RAPH1: variants seen among roughly 807,000 people sequenced by gnomAD.
RAPH1 encodes ras-associated and pleckstrin homology domains-containing protein 1.
Under a neutral mutation model 88.1 loss-of-function variants are expected in RAPH1, and 18 were observed. The observed-to-expected ratio is 0.20, with a 90% CI of 0.14 to 0.30. The LOEUF (loss-of-function observed/expected upper bound fraction) is 0.30, where lower values mean the gene tolerates loss of function less well. Ranked by LOEUF, RAPH1 falls within the 10% of genes least tolerant of loss-of-function variation. The pLI is 1.00. For missense variants in RAPH1, 1,448 were observed against 1,543.2 expected, an observed-to-expected ratio of 0.94 and a Z score of 1.03; for synonymous variants, 587 against 559.0, an observed-to-expected ratio of 1.05 and a Z score of -0.71.
At position 203,438,167 on chromosome 2, in the gene RAPH1, G is replaced by A. The variant is rs746943803; in HGVS notation, c.*1270C>T. The A allele has an allele frequency of 1.5e-5, 8 of 518,736 alleles. No individual in the cohort carries two copies. The highest frequency in any genetic ancestry group is 1.4e-5 in the South Asian group (1 of 71,490). The allele number at this position is 518,736 out of a possible 1,614,324, so 32.1% of individuals were successfully genotyped here. A position where few individuals can be genotyped will look rare whatever the true frequency, so the allele number is the denominator to read the frequency against. On this transcript the variant is annotated 3_prime_UTR_variant, in exon 14 of 14. Coordinates refer to ENST00000319170, the MANE Select transcript of RAPH1 (RefSeq NM_213589.3). ...AACCTGAACTAATCACAACCAGGCT[G>A]CAGTCAGCAAGGGTCCTGGTAGCCC...
At chr2:203,533,999 C>T (rs1690501770) in intron 1 of RAPH1, among the ~76,000 whole-genome samples, 1 of 152,182 alleles carries the variant, frequency 6.6e-6, no homozygotes, top group Non-Finnish European at 1.5e-5. Context: ...CTTTCCACCA[C>T]CCCATGCTTG....
chr2:203,470,579 T>C (rs1158541252), intron 4 of RAPH1, among the ~76,000 whole-genome samples: 2 of 152,152 alleles, frequency 1.3e-5, no homozygotes, highest in African/African-American at 4.8e-5. Context: ...GGAAAATGGG[T>C]AGTACATGCA....
chr2:203,508,409 A>C (rs1354117038), intron 1 of RAPH1, among the ~76,000 whole-genome samples: 1 of 152,054 alleles, frequency 6.6e-6, no homozygotes, highest in African/African-American at 2.4e-5. Context: ...TTGGAATTAC[A>C]GGCGTGAGCC....
intron 5 of RAPH1, 123 bp downstream of exon 5, chr2:203,461,719 ATATTAC>A (rs2098524368): frequency 4.7e-6 from 3 of 635,966 alleles, no homozygotes; most frequent in Non-Finnish European, 7.6e-6. Context: ...TGTGAAAAAT[ATATTAC>A]TAGGAAGAAA....
chr2:203,457,141 C>T (rs2098520250), intron 8 of RAPH1, among the ~76,000 whole-genome samples: 1 of 151,888 alleles, frequency 6.6e-6, no homozygotes, highest in East Asian at 1.9e-4. Context: ...AGAACACTGA[C>T]ATACTTGACT....
In RAPH1 at chr2:203,434,040, A is replaced by ATATATATCTATCTATCTATCTATC. The variant is rs71408937; in HGVS notation, c.*5396_*5397insGATAGATAGATAGATAGATATATA. On this transcript the variant is annotated 3_prime_UTR_variant, in exon 14 of 14. Transcript: ENST00000319170. The stretch of plus-strand genomic sequence containing the variant: ...GTAGTACTGAATATATCTCTCTCAT[A>ATATATATCTATCTATCTATCTATC]TATCTATCTATCTATCTATATATAT... 2.4e-4 allele frequency: 35 copies of ATATATATCTATCTATCTATCTATC among 145,436 alleles called. No individual in the cohort carries two copies. The East Asian group carries it at 4.7e-3, about 20-fold the overall frequency. 9.0% of individuals were successfully genotyped at this position (145,436 alleles called of 1,614,324 possible).
chr2:203,478,485 GTTT>G (rs145000897), intron 4 of RAPH1, among the ~76,000 whole-genome samples: 3 of 149,582 alleles, frequency 2.0e-5, no homozygotes, highest in Non-Finnish European at 1.5e-5. Flanking sequence ...ATCATTTTTT[GTTT>G]TTTTTTGTTT....
intron 4 of RAPH1, among the ~76,000 whole-genome samples, chr2:203,465,820 G>C (rs935357333): frequency 1.3e-5 from 2 of 152,130 alleles, no homozygotes; most frequent in Non-Finnish European, 2.9e-5. Context: ...GGAGGTTGCA[G>C]TAAACAGAGA....
intron 6 of RAPH1, 80 bp downstream of exon 6, chr2:203,461,169 C>A: frequency 1.4e-6 from 1 of 727,636 alleles, no homozygotes; most frequent in Non-Finnish European, 2.0e-6. Context: ...ATAAAGATAA[C>A]TCAAAATGTT....
chr2:203,469,262 A>G (rs568013242), intron 4 of RAPH1, among the ~76,000 whole-genome samples: 1 of 152,270 alleles, frequency 6.6e-6, no homozygotes, highest in East Asian at 1.9e-4. Context: ...AGACTTCTAC[A>G]CTGACCAGCT....
intron 4 of RAPH1, among the ~76,000 whole-genome samples, chr2:203,487,483 C>T (rs1225256135): frequency 6.6e-6 from 1 of 151,870 alleles, no homozygotes; most frequent in Non-Finnish European, 1.5e-5. Flanking sequence ...CTGGTTCAAG[C>T]GATTCTCCTA....
chr2:203,483,368 A>C (rs1687814509), intron 4 of RAPH1, among the ~76,000 whole-genome samples: 1 of 152,230 alleles, frequency 6.6e-6, no homozygotes, highest in Non-Finnish European at 1.5e-5. Context: ...TTCTGAAGAT[A>C]AGGCCAACAG....
chr2:203,478,197 C>A (rs1687556562), intron 4 of RAPH1, among the ~76,000 whole-genome samples: 1 of 151,994 alleles, frequency 6.6e-6, no homozygotes, highest in South Asian at 2.1e-4. Context: ...CCAAGCCCGG[C>A]TAATTTTTCT....
Position 203,506,820 on chromosome 2 carries a change from C to CTATATATATATATCTA in RAPH1, c.1-11468_1-11467insTAGATATATATATATA. ...TATATATATATCTATATCTATATAT[C>CTATATATATATATCTA]TATATATATATCTATATCTATATAT... On this transcript the variant is annotated intron_variant, in intron 1 of 13. Transcript: ENST00000319170. Among the ~76,000 whole-genome samples, 2 of 70,644 alleles carry CTATATATATATATCTA rather than the reference C, an allele frequency of 2.8e-5. 1 individual carries two copies. The highest frequency in any genetic ancestry group is 1.6e-4 in the African/African-American group (2 of 12,586). The allele number at this position is 70,644 out of a possible 152,430, so 46.3% of individuals were successfully genotyped here.
intron 1 of RAPH1, among the ~76,000 whole-genome samples, chr2:203,506,032 G>A (rs913854941): frequency 2.0e-5 from 3 of 152,162 alleles, no homozygotes; most frequent in Admixed American, 1.3e-4. Flanking sequence ...AAAGCCTCAC[G>A]AGGGAGGCAG....
intron 1 of RAPH1, among the ~76,000 whole-genome samples, chr2:203,521,475 C>T (rs1420636178): frequency 2.6e-5 from 4 of 151,972 alleles, no homozygotes; most frequent in Admixed American, 6.6e-5. Context: ...TAAAACATGG[C>T]GGGAACACCA....
At chr2:203,468,860 T>G (rs1187919216) in intron 4 of RAPH1, among the ~76,000 whole-genome samples, 1 of 152,106 alleles carries the variant, frequency 6.6e-6, no homozygotes, top group African/African-American at 2.4e-5. Context: ...ATGGGTGAGC[T>G]CAGTAAATCC....
chr2:203,528,773 A>G (rs979279618), intron 1 of RAPH1, among the ~76,000 whole-genome samples: 2 of 151,922 alleles, frequency 1.3e-5, no homozygotes, highest in Admixed American at 6.6e-5. Context: ...TAAGTACACT[A>G]TTCACAGATA....
intron 1 of RAPH1, among the ~76,000 whole-genome samples, chr2:203,517,123 A>G (rs1689649888): frequency 6.6e-6 from 1 of 152,112 alleles, no homozygotes; most frequent in African/African-American, 2.4e-5. Context: ...CAAGAAACCC[A>G]CTTTAATATA....
Sources: allele counts gnomAD v4.1 joint callset (sites outside exome capture counted in the v4.1 genomes callset), GRCh38; gene constraint gnomAD v4.1.1; transcripts MANE v1.5; gene names NCBI Gene and HGNC (gene_info 2026-07-23, HGNC 2026-07-21).